The following HHAT variants were observed in gnomAD, a reference collection of about 807,000 sequenced individuals.
The protein encoded by HHAT is hedgehog acyltransferase.
Under a neutral mutation model 70.8 loss-of-function variants are expected in HHAT, and 47 were observed. The ratio of observed to expected loss-of-function variants is 0.66; its 90% CI spans 0.53 to 0.85. HHAT has a LOEUF of 0.85. Ranked by LOEUF, HHAT falls within the 40% of genes least tolerant of loss-of-function variation. The probability of loss-of-function intolerance (pLI) is 0.00; values close to 1 mark genes in which losing one functional copy is unlikely to be tolerated. For missense variants in HHAT, 609 were observed against 604.8 expected (o/e 1.01, Z -0.07); for synonymous variants, 228 against 247.6 (o/e 0.92, Z 0.74).
intron 11 of HHAT, among the ~76,000 whole-genome samples, chr1:210,673,766 T>A (rs200530917): frequency 3.6e-4 from 3 of 8,250 alleles, no homozygotes; most frequent in African/African-American, 1.1e-3. Context: ...TTATTTATTA[T>A]TTATTTATTT....
In HHAT at chr1:210,605,635, A is replaced by G. The variant is rs12068275; in HGVS notation, c.1245+17536A>G. On this transcript the variant is annotated intron_variant, in intron 10 of 11. Coordinates refer to ENST00000261458, the MANE Select transcript of HHAT (RefSeq NM_018194.6). The stretch of plus-strand genomic sequence containing the variant: ...GTATTATCATTATTCCCATTTTACC[A>G]GGAGAAAAACTGAAACCTGAAAGTT... Among the ~76,000 whole-genome samples the G allele has an allele frequency of 6.4e-3, 980 of 152,326 alleles. 8 individuals carry two copies. The highest frequency in any genetic ancestry group is 0.022 in the African/African-American group (929 of 41,560).
intron 8 of HHAT, among the ~76,000 whole-genome samples, chr1:210,471,790 T>C (rs1411013970): frequency 6.6e-6 from 1 of 152,216 alleles, no homozygotes; most frequent in Non-Finnish European, 1.5e-5. Flanking sequence ...CATTTTTTTC[T>C]GAAAAAGTAA....
At chr1:210,370,805 G>A (rs1049533892) in intron 3 of HHAT, among the ~76,000 whole-genome samples, 4 of 151,714 alleles carry the variant, frequency 2.6e-5, no homozygotes, top group African/African-American at 4.8e-5. Flanking sequence ...TAGTAGAGAC[G>A]GGGTTTCACC....
chr1:210,347,020 C>T (rs2086579559), intron 1 of HHAT, among the ~76,000 whole-genome samples: 1 of 152,100 alleles, frequency 6.6e-6, no homozygotes, highest in Admixed American at 6.5e-5. Context: ...ACCTGCTTAT[C>T]ATTTTATGGT....
intron 9 of HHAT, among the ~76,000 whole-genome samples, chr1:210,548,424 G>A (rs988038245): frequency 1.3e-5 from 2 of 152,090 alleles, no homozygotes; most frequent in African/African-American, 4.8e-5. Flanking sequence ...GTGTTTGTAA[G>A]TTGTTTGAAT....
At chr1:210,488,525 A>G (rs936009559) in intron 8 of HHAT, among the ~76,000 whole-genome samples, 4 of 152,196 alleles carry the variant, frequency 2.6e-5, no homozygotes, top group African/African-American at 9.7e-5. Flanking sequence ...GATGTACACC[A>G]ACAGCCCAAA....
chr1:210,548,521 C>A (rs1406863764), intron 9 of HHAT, among the ~76,000 whole-genome samples: 6 of 152,146 alleles, frequency 3.9e-5, no homozygotes, highest in African/African-American at 1.4e-4. Flanking sequence ...TAGGGGAGCT[C>A]ATGAGGCAGG....
At position 210,379,370 on chromosome 1, in the gene HHAT, A is replaced by G. The variant is rs191329148; in HGVS notation, c.160-8098A>G. 7.9e-5 allele frequency among the ~76,000 whole-genome samples: 12 copies of G among 152,312 alleles called. 1 individual carries two copies. The East Asian group carries it at 1.9e-3, about 24-fold the overall frequency. ...GGAATTCTGGGATATTTAGTTTTCA[A>G]CCTTCTAACCTGTAATGTGTAGGAA... On this transcript the variant is annotated intron_variant, in intron 3 of 11. Coordinates refer to ENST00000261458, the MANE Select transcript of HHAT (RefSeq NM_018194.6).
At chr1:210,601,936 T>TGAGAGAGA (rs1558251169) in intron 10 of HHAT, among the ~76,000 whole-genome samples, 206 of 16,438 alleles carry the variant, frequency 0.013, 1 homozygote, top group African/African-American at 0.019. Context: ...TATTTGAGAC[T>TGAGAGAGA]CAGAGAGAGA....
Position 210,444,551 on chromosome 1 carries a change from A to G in HHAT, c.857-19954A>G, listed in dbSNP as rs1033117752. On this transcript the variant is annotated intron_variant, in intron 7 of 11. Transcript: ENST00000261458. The stretch of plus-strand genomic sequence containing the variant: ...CTGTTATTGGTCTATTCAGAGATTC[A>G]ACTTCTTCCTGGTTTAGTCTTGGGA... Among the ~76,000 whole-genome samples the G allele has an allele frequency of 3.3e-5, 5 of 150,342 alleles. No homozygotes were observed. The East Asian group carries it at 8.0e-4, about 24-fold the overall frequency.
chr1:210,642,543 T>A (rs1673177783), intron 11 of HHAT, among the ~76,000 whole-genome samples: 1 of 152,206 alleles, frequency 6.6e-6, no homozygotes, highest in Non-Finnish European at 1.5e-5. Flanking sequence ...TTTTAGCTAT[T>A]CTGATAGGTG....
At chr1:210,639,568 T>C (rs1364118780) in intron 11 of HHAT, among the ~76,000 whole-genome samples, 1 of 152,188 alleles carries the variant, frequency 6.6e-6, no homozygotes, top group Non-Finnish European at 1.5e-5. Flanking sequence ...GTCCTCAAAA[T>C]GGTGTGCAGA....
chr1:210,635,605 C>T (rs61827412), intron 11 of HHAT, among the ~76,000 whole-genome samples: 10,392 of 152,190 alleles, frequency 0.068, 515 homozygotes, highest in Middle Eastern at 0.1. Flanking sequence ...TCAGAGTTCT[C>T]CCAGGGAGAA....
chr1:210,592,837 A>G (rs1298460129), intron 10 of HHAT, among the ~76,000 whole-genome samples: 1 of 151,492 alleles, frequency 6.6e-6, no homozygotes, highest in Non-Finnish European at 1.5e-5. Context: ...GTCTGGCTAA[A>G]GGCTTGTCAA....
intron 10 of HHAT, among the ~76,000 whole-genome samples, chr1:210,597,311 C>T (rs1663223126): frequency 6.6e-6 from 1 of 152,128 alleles, no homozygotes; most frequent in African/African-American, 2.4e-5. Context: ...TTGCCCATGA[C>T]CTACAATAAC....
intron 8 of HHAT, among the ~76,000 whole-genome samples, chr1:210,508,015 T>C (rs923456106): frequency 1.3e-5 from 2 of 151,678 alleles, no homozygotes; most frequent in South Asian, 2.1e-4. Flanking sequence ...CTGGCTCACA[T>C]GGTGAAACCC....
chr1:210,520,087 C>T (rs1439669448), intron 9 of HHAT, among the ~76,000 whole-genome samples: 2 of 152,264 alleles, frequency 1.3e-5, no homozygotes, highest in East Asian at 3.9e-4. Context: ...GTGATCTCAG[C>T]TCACTGTAAC....
chr1:210,584,324 A>G (rs973618664), intron 9 of HHAT, among the ~76,000 whole-genome samples: 2 of 152,122 alleles, frequency 1.3e-5, no homozygotes, highest in Non-Finnish European at 2.9e-5. Context: ...AATCTGTTTT[A>G]TAAAACAGCC....
chr1:210,344,193 T>A (rs2147951535), intron 1 of HHAT, among the ~76,000 whole-genome samples: 1 of 151,838 alleles, frequency 6.6e-6, no homozygotes, highest in Non-Finnish European at 1.5e-5. Flanking sequence ...CCCTGCTTAG[T>A]TACCTGGTGT....
Sources: allele counts gnomAD v4.1 joint callset (sites outside exome capture counted in the v4.1 genomes callset), GRCh38; gene constraint gnomAD v4.1.1; transcripts MANE v1.5; gene names NCBI Gene and HGNC (gene_info 2026-07-23, HGNC 2026-07-21).